GREB1: variants seen among roughly 807,000 people sequenced by gnomAD.
GREB1 encodes the protein protein GREB1.
GREB1 carries 106 observed loss-of-function variants against 200.7 expected under a neutral mutation model. That is an observed-to-expected ratio of 0.53 (90% CI 0.45 to 0.62). The LOEUF is 0.62. GREB1 is among the 20% of genes least tolerant of loss of function. The probability of loss-of-function intolerance (pLI) is 0.00; values close to 1 mark genes in which losing one functional copy is unlikely to be tolerated. For synonymous variants in GREB1, 1,132 were observed against 1,092.4 expected, an observed-to-expected ratio of 1.04 and a Z score of -0.72; for missense variants, 2,243 against 2,556.8, an observed-to-expected ratio of 0.88 and a Z score of 2.65.
intron 11 of GREB1, among the ~76,000 whole-genome samples, chr2:11,594,288 G>C (rs1681009539): frequency 4.6e-5 from 7 of 152,130 alleles, no homozygotes; most frequent in Admixed American, 2.6e-4. Context: ...GGGATTACAG[G>C]CATGAGCCAC....
At chr2:11,552,748 A>G (rs891557783) in intron 1 of GREB1, among the ~76,000 whole-genome samples, 10 of 152,040 alleles carry the variant, frequency 6.6e-5, no homozygotes, top group African/African-American at 1.4e-4. Context: ...GCGGTGGCTC[A>G]CGCCTGTAAT....
intron 1 of GREB1, among the ~76,000 whole-genome samples, chr2:11,504,440 G>A (rs866965234): frequency 6.6e-6 from 1 of 152,130 alleles, no homozygotes; most frequent in Non-Finnish European, 1.5e-5. Flanking sequence ...ATGTTGAAGC[G>A]ATTTTTAGTA....
At chr2:11,565,716 TCGGCCGG>T (rs1230930680) in intron 3 of GREB1, among the ~76,000 whole-genome samples, 6 of 152,328 alleles carry the variant, frequency 3.9e-5, no homozygotes, top group African/African-American at 1.4e-4. Context: ...CCCTGTGCTC[TCGGCCGG>T]CTCAGTGCCT....
chr2:11,630,389 T>C (rs184491346), intron 26 of GREB1, among the ~76,000 whole-genome samples: 1 of 152,346 alleles, frequency 6.6e-6, no homozygotes, highest in Admixed American at 6.5e-5. Flanking sequence ...CAAAAGCTTG[T>C]GGTGAGAACT....
rs115002867 is a variant in GREB1, at chr2:11,493,413, T to C, written c.-159+11032T>C. The stretch of plus-strand genomic sequence containing the variant: ...TGTAGGCGCAGTTCACAATAGGGTT[T>C]GAGCTCCTATGAGAATCTGATGCTG... On this transcript the variant is annotated intron_variant, in intron 1 of 2. Transcript: ENST00000628795. This position sits in a 1 kb window ranked among gnomAD's most constrained non-coding sequence, Gnocchi z 4.6. Among the ~76,000 whole-genome samples the C allele has an allele frequency of 0.034, 5,197 of 152,218 alleles. 297 individuals are homozygous for C. The highest frequency in any genetic ancestry group is 0.11 in the African/African-American group (4,684 of 41,472).
In GREB1 at chr2:11,634,214, C is replaced by T; in HGVS notation, c.5075C>T (p.Ala1692Val). The T allele has an allele frequency of 6.2e-7, 1 of 1,614,232 alleles. No individual in the cohort carries two copies. The highest frequency in any genetic ancestry group is 8.5e-7 in the Non-Finnish European group (1 of 1,180,036). Reference sequence around the variant, plus strand: ...GCGGCCCCCGACATCATGCACTACGCCCTGCTGGGCCTGCGGAAGTGGTCC... The same window carrying T: ...GCGGCCCCCGACATCATGCACTACGTCCTGCTGGGCCTGCGGAAGTGGTCC... ...IEAAPDIMHYALLGLRKWSSK... is the reference protein window; with the variant it reads ...IEAAPDIMHYVLLGLRKWSSK... The change falls in exon 29 of 33, where the codon GCC becomes GTC. Residue 1692 changes from alanine to valine, a missense_variant. This residue lies in a region of GREB1 where 478 missense variants were observed against 616.3 expected (regional missense o/e 0.78). Coordinates refer to ENST00000381486, the MANE Select transcript of GREB1 (RefSeq NM_014668.4).
In GREB1 at chr2:11,587,694, AACACACACACACACAC is replaced by A. The variant is rs377181735; in HGVS notation, c.1160-1019_1160-1004del. ...AAATGGAGTACCTGGAGTACAAGAT[AACACACACACACACAC>A]ACACACACACACACACACACACACA... On this transcript the variant is annotated intron_variant, in intron 9 of 32. Transcript: ENST00000381486. The A allele has an allele frequency of 4.6e-4, 328 of 707,144 alleles. 1 individual carries two copies. The highest frequency in any genetic ancestry group is 3.5e-3 in the Middle Eastern group (5 of 1,410). 43.8% of individuals were successfully genotyped at this position (707,144 alleles called of 1,614,324 possible).
At chr2:11,485,946 C>T (rs1474310371) in intron 1 of GREB1, among the ~76,000 whole-genome samples, 1 of 152,130 alleles carries the variant, frequency 6.6e-6, no homozygotes, top group Non-Finnish European at 1.5e-5. Flanking sequence ...CTGCATGCTA[C>T]CCATGACCAG....
Position 11,587,497 on chromosome 2 carries a change from C to T in GREB1, c.1160-1249C>T, listed in dbSNP as rs369074173. The stretch of plus-strand genomic sequence containing the variant: ...CCATCCTGGAATCAGAATCAGGCCC[C>T]ACTTCTGCATCAGAAGCCCTGGGTG... On this transcript the variant is annotated intron_variant, in intron 9 of 32. Coordinates refer to ENST00000381486, the MANE Select transcript of GREB1 (RefSeq NM_014668.4). The T allele has an allele frequency of 1.1e-4, 184 of 1,600,308 alleles. 5 individuals carry two copies. In the South Asian group the frequency reaches 1.9e-3, roughly 17 times the overall value.
chr2:11,599,590 C>T (rs186923221), intron 15 of GREB1, among the ~76,000 whole-genome samples: 2 of 150,662 alleles, frequency 1.3e-5, no homozygotes, highest in African/African-American at 4.9e-5. Context: ...GCACGATCTC[C>T]GCTCACTGCA....
At chr2:11,608,736 A>G (rs1177812610) in intron 17 of GREB1, among the ~76,000 whole-genome samples, 9 of 152,234 alleles carry the variant, frequency 5.9e-5, no homozygotes, top group Admixed American at 5.2e-4. Flanking sequence ...CCAGCCCTAC[A>G]TGAACTTGAG....
At chr2:11,585,064 A>AC in intron 7 of GREB1, 97 bp from the exon 8 acceptor site, 1 of 593,288 alleles carries the variant, frequency 1.7e-6, no homozygotes, top group Non-Finnish European at 2.7e-6. Flanking sequence ...AAAAAAAAAA[A>AC]CAAAACAAAA....
In GREB1 at chr2:11,633,209, A is replaced by C. The variant is rs1685028253; in HGVS notation, c.4991+146A>C. On this transcript the variant is annotated intron_variant, in intron 28 of 32. Transcript: ENST00000381486. The surrounding 1 kb of genome is among the most constrained non-coding windows in gnomAD (Gnocchi z 4.1). ...GGGTGGTTGTGGTTGTGGTTCCCAGAGTCCTGGGTGTGGTAAAAGTGAGCT... is the reference window on the plus strand; with the variant it reads ...GGGTGGTTGTGGTTGTGGTTCCCAGCGTCCTGGGTGTGGTAAAAGTGAGCT... 1.3e-6 allele frequency: 1 copy of C among 766,210 alleles called. No individual in the cohort carries two copies. The highest frequency in any genetic ancestry group is 2.6e-5 in the East Asian group (1 of 38,974). The allele number at this position is 766,210 out of a possible 1,614,324, so 47.5% of individuals were successfully genotyped here.
At chr2:11,604,817 G>A (rs918138595) in intron 17 of GREB1, among the ~76,000 whole-genome samples, 2 of 152,190 alleles carry the variant, frequency 1.3e-5, no homozygotes, top group African/African-American at 4.8e-5. Context: ...AGGAGATAAA[G>A]GTTAGAACAT....
rs774775711 is a variant in GREB1, at chr2:11,634,258, G to A, written c.5119G>A (p.Glu1707Lys). The A allele has an allele frequency of 6.2e-6, 10 of 1,614,204 alleles. No individual in the cohort carries two copies. The highest frequency in any genetic ancestry group is 3.3e-5 in the Admixed American group (2 of 60,030). The change falls in exon 29 of 33, where the codon GAG (glutamate) becomes AAG (lysine). Residue 1707 changes from glutamate (E) to lysine (K), a missense_variant. By Grantham distance (56) the Glu-to-Lys change is moderately conservative. This residue lies in a region of GREB1 where 478 missense variants were observed against 616.3 expected (regional missense o/e 0.78). Transcript: ENST00000381486. ...GTGGTCCAGCAAGACCCGGGCCAGC[G>A]AGGTGCAAGAGCCCTTCTCCCGCTG... Reference protein sequence around the residue: ...RKWSSKTRASEVQEPFSRCHV... With the variant: ...RKWSSKTRASKVQEPFSRCHV...
Position 11,592,843 on chromosome 2 carries a change from C to T in GREB1, c.1413C>T (p.His471=). 5 of 1,597,598 alleles carry T rather than the reference C, an allele frequency of 3.1e-6. No individual in the cohort carries two copies. Among genetic ancestry groups the T allele is most frequent in the Non-Finnish European group, 4.3e-6 (5 of 1,174,840 alleles). ...QIFLRSWRES[H]LTEIRQYQQA... ...TCCTGCGCTCTTGGCGCGAGTCGCA[C>T]CTGACCGAGATCCGGCAGTACCAGC... The change falls in exon 11 of 33, where the codon CAC becomes CAT. Residue 471 remains histidine (H), a synonymous_variant. Coordinates refer to ENST00000381486, the MANE Select transcript of GREB1 (RefSeq NM_014668.4).
At chr2:11,558,627 G>A (rs1177389938) in intron 2 of GREB1, among the ~76,000 whole-genome samples, 11 of 152,332 alleles carry the variant, frequency 7.2e-5, no homozygotes, top group Non-Finnish European at 1.3e-4. Context: ...CTGGTGGGAA[G>A]AGACAGACTC....
In GREB1 at chr2:11,492,329, T is replaced by A. The variant is rs1672790387; in HGVS notation, c.-159+9948T>A. Among the ~76,000 whole-genome samples the A allele has an allele frequency of 6.6e-6, 1 of 152,230 alleles. No homozygotes were observed. Among genetic ancestry groups the A allele is most frequent in the Admixed American group, 6.5e-5 (1 of 15,278 alleles). On this transcript the variant is annotated intron_variant, in intron 1 of 2. Transcript: ENST00000628795. The surrounding 1 kb of genome is among the most constrained non-coding windows in gnomAD (Gnocchi z 4.0). ...CATTCTTTCTTCTCCAAACCCTCAG[T>A]GTGCTCTATCAAGAAATGCTTGTTG...
chr2:11,575,852 A>G (rs1678793999), intron 4 of GREB1, among the ~76,000 whole-genome samples: 1 of 152,194 alleles, frequency 6.6e-6, no homozygotes, highest in South Asian at 2.1e-4. Context: ...GTGGAATGGG[A>G]TGGCTCTTGT....
Sources: gnomAD v4.1 joint callset for allele counts (sites outside exome capture counted in the v4.1 genomes callset) on GRCh38, gnomAD v4.1.1 for gene constraint, gnomAD v4.1.1 regional missense constraint, Gnocchi (gnomAD v3.1) non-coding constraint, MANE v1.5 for transcripts, NCBI Gene and HGNC (gene_info 2026-07-23, HGNC 2026-07-21) for gene names.